RAPGEF4: variants seen among roughly 807,000 people sequenced by gnomAD.
RAPGEF4 encodes RAP guanine-nucleotide-exchange factor (GEF) 4.
RAPGEF4 carries 66 observed loss-of-function variants against 147.9 expected under a neutral mutation model. The ratio of observed to expected loss-of-function variants is 0.45; its 90% CI spans 0.37 to 0.55. The LOEUF (loss-of-function observed/expected upper bound fraction) is 0.55, where lower values mean the gene tolerates loss of function less well. Ranked by LOEUF, RAPGEF4 falls within the 20% of genes least tolerant of loss-of-function variation. The pLI is 0.00. For missense variants in RAPGEF4, 1,071 were observed against 1,257.3 expected, an observed-to-expected ratio of 0.85 and a Z score of 2.24; for synonymous variants, 419 against 442.7, an observed-to-expected ratio of 0.95 and a Z score of 0.67.
chr2:172,949,307 G>T (rs912650045), intron 6 of RAPGEF4, among the ~76,000 whole-genome samples: 6 of 152,154 alleles, frequency 3.9e-5, no homozygotes, highest in Admixed American at 1.3e-4. Flanking sequence ...AGGACTTCAT[G>T]TAGTACTTGG....
intron 10 of RAPGEF4, among the ~76,000 whole-genome samples, chr2:172,969,104 C>A (rs1033802670): frequency 6.6e-6 from 1 of 152,200 alleles, no homozygotes; most frequent in Non-Finnish European, 1.5e-5. Context: ...CACTGCAGTA[C>A]CTAGGAACCC....
At position 172,795,007 on chromosome 2, in the gene RAPGEF4, C is replaced by T. The variant is rs1686226783; in HGVS notation, c.66-18C>T. The T allele has an allele frequency of 1.3e-6, 2 of 1,587,304 alleles. No individual in the cohort carries two copies. The highest frequency in any genetic ancestry group is 1.2e-5 in the South Asian group (1 of 86,476). ...AATCTTTACTGACATAGCTTTTGTG[C>T]CTTTTCTCCCTATACAGACCACTGG... On this transcript the variant is annotated intron_variant, in intron 1 of 30. Coordinates refer to ENST00000397081, the MANE Select transcript of RAPGEF4 (RefSeq NM_007023.4).
intron 1 of RAPGEF4, among the ~76,000 whole-genome samples, chr2:172,758,187 T>G (rs6728026): frequency 0.016 from 2,462 of 152,052 alleles, 68 homozygotes; most frequent in African/African-American, 0.052. Flanking sequence ...TTCCTGGCAA[T>G]GGGAACAACC....
Position 172,881,354 on chromosome 2 carries a change from A to G in RAPGEF4, c.445-36448A>G, listed in dbSNP as rs114243031. On this transcript the variant is annotated intron_variant, in intron 4 of 30. Transcript: ENST00000397081. The stretch of plus-strand genomic sequence containing the variant: ...GATGAGGCTCTTACTGAGCTCTCTA[A>G]TGAATAAGGCGAATGCTTTTTATAA... 3.5e-3 allele frequency among the ~76,000 whole-genome samples: 530 copies of G among 152,356 alleles called. 3 individuals are homozygous for G. The highest frequency in any genetic ancestry group is 0.012 in the African/African-American group (516 of 41,580).
intron 4 of RAPGEF4, among the ~76,000 whole-genome samples, chr2:172,836,711 A>G (rs1353676358): frequency 1.3e-5 from 2 of 152,192 alleles, no homozygotes; most frequent in Non-Finnish European, 2.9e-5. Flanking sequence ...CACACATCCC[A>G]TCCAGGTAAA....
intron 4 of RAPGEF4, among the ~76,000 whole-genome samples, chr2:172,882,313 G>T (rs1696721091): frequency 6.6e-6 from 1 of 152,092 alleles, no homozygotes; most frequent in South Asian, 2.1e-4. Flanking sequence ...TTGCAGTCCT[G>T]TGTCCTCTGG....
chr2:172,908,446 C>T (rs1201877582), intron 4 of RAPGEF4, among the ~76,000 whole-genome samples: 1 of 152,192 alleles, frequency 6.6e-6, no homozygotes, highest in Non-Finnish European at 1.5e-5. Flanking sequence ...ACAAACCTTT[C>T]CGTTAAGGTG....
intron 6 of RAPGEF4, 128 bp from the exon 7 acceptor site, chr2:172,960,632 C>T (rs1689187395): frequency 1.5e-6 from 1 of 659,608 alleles, no homozygotes; most frequent in Non-Finnish European, 2.4e-6. Flanking sequence ...CAGAATTTAT[C>T]TCTTATTTTT....
At chr2:172,941,458 T>C (rs1687143882) in intron 6 of RAPGEF4, among the ~76,000 whole-genome samples, 1 of 152,200 alleles carries the variant, frequency 6.6e-6, no homozygotes, top group African/African-American at 2.4e-5. Context: ...ACGATAAAGA[T>C]GAAAAATATT....
chr2:172,831,872 C>T (rs1690389838), intron 4 of RAPGEF4, among the ~76,000 whole-genome samples: 2 of 152,146 alleles, frequency 1.3e-5, no homozygotes, highest in Non-Finnish European at 2.9e-5. Context: ...GATATGTGTG[C>T]ACTCATCAAG....
At chr2:173,036,826 T>C in intron 29 of RAPGEF4, 134 bp downstream of exon 29, 1 of 582,494 alleles carries the variant, frequency 1.7e-6, no homozygotes, top group Non-Finnish European at 2.9e-6. Context: ...TTTTGAAATA[T>C]TTGGTTCAAA....
intron 4 of RAPGEF4, among the ~76,000 whole-genome samples, chr2:172,865,043 C>T (rs1028131947): frequency 2.0e-5 from 3 of 152,226 alleles, no homozygotes; most frequent in Admixed American, 6.5e-5. Context: ...CCAATACCAA[C>T]CCTTCCTCAG....
intron 12 of RAPGEF4, among the ~76,000 whole-genome samples, chr2:172,986,860 AT>A (rs989378883): frequency 6.0e-5 from 9 of 149,238 alleles, no homozygotes; most frequent in Admixed American, 2.0e-4. Context: ...CGCCCAGCTA[AT>A]TTTTTTTTTG....
intron 10 of RAPGEF4, among the ~76,000 whole-genome samples, chr2:172,970,058 CT>C (rs1406313700): frequency 1.3e-5 from 2 of 152,104 alleles, no homozygotes; most frequent in Middle Eastern, 3.2e-3. Context: ...GCTGGCACTT[CT>C]GGAACTCTTC....
At chr2:172,979,732 G>A (rs1272653687) in intron 10 of RAPGEF4, among the ~76,000 whole-genome samples, 3 of 152,222 alleles carry the variant, frequency 2.0e-5, no homozygotes, top group Non-Finnish European at 4.4e-5. Flanking sequence ...ATGTTAGAGA[G>A]TGGCCTTGCA....
chr2:172,789,235 C>A (rs1408474191), intron 1 of RAPGEF4, among the ~76,000 whole-genome samples: 2 of 152,184 alleles, frequency 1.3e-5, no homozygotes, highest in Non-Finnish European at 2.9e-5. Context: ...AATTCTGGGC[C>A]ATAATTACAT....
rs7584778 is a variant in RAPGEF4 at position 172,830,467 on chromosome 2, T to C, written c.444+16042T>C. ...AGTTTTTCACAGATGTGTGGTTTTG[T>C]ATCCTCAGTTCCATATCTCCCCAAA... is the stretch of plus-strand genomic sequence containing the variant. On this transcript the variant is annotated intron_variant, in intron 4 of 30. Transcript: ENST00000397081. Among the ~76,000 whole-genome samples, 1,283 of 152,358 alleles carry C rather than the reference T, an allele frequency of 8.4e-3. 23 individuals carry two copies. The highest frequency in any genetic ancestry group is 0.029 in the African/African-American group (1,192 of 41,584).
At chr2:172,970,126 A>AG (rs1690298014) in intron 10 of RAPGEF4, among the ~76,000 whole-genome samples, 2 of 151,522 alleles carry the variant, frequency 1.3e-5, no homozygotes, top group South Asian at 4.2e-4. Context: ...AAAAATAAGG[A>AG]ATCTAATTTT....
chr2:172,771,655 G>C (rs1683625467), intron 1 of RAPGEF4, among the ~76,000 whole-genome samples: 2 of 151,666 alleles, frequency 1.3e-5, no homozygotes, highest in Non-Finnish European at 2.9e-5. Flanking sequence ...ATATTGCCCA[G>C]GCTTGTCACA....
Sources: allele counts gnomAD v4.1 joint callset (sites outside exome capture counted in the v4.1 genomes callset), GRCh38; gene constraint gnomAD v4.1.1; transcripts MANE v1.5; gene names NCBI Gene and HGNC (gene_info 2026-07-23, HGNC 2026-07-21).